TTN: variants seen among roughly 807,000 people sequenced by gnomAD.
TTN encodes the protein connectin.
A neutral mutation model predicts 3,223.0 loss-of-function variants in TTN; 1,525 were observed. The ratio of observed to expected loss-of-function variants is 0.47; its 90% CI spans 0.45 to 0.49. The LOEUF (loss-of-function observed/expected upper bound fraction) is 0.49, where lower values mean the gene tolerates loss of function less well. Ranked by LOEUF, TTN falls within the 20% of genes least tolerant of loss-of-function variation. TTN has a pLI of 0.00. For synonymous variants in TTN, 14,094 were observed against 15,161.0 expected, an observed-to-expected ratio of 0.93 and a Z score of 5.17; for missense variants, 40,786 against 43,424.0, an observed-to-expected ratio of 0.94 and a Z score of 5.40.
rs534179497 is a variant in TTN at position 178,684,588 on chromosome 2, T to G, written c.32638+78A>C. The G allele has an allele frequency of 1.0e-5, 15 of 1,476,664 alleles. No homozygotes were observed. In the African/African-American group the frequency reaches 1.7e-4, roughly 17 times the overall value. The allele number at this position is 1,476,664 out of a possible 1,614,324, so 91.5% of individuals were successfully genotyped here. On this transcript the variant is annotated intron_variant, in intron 131 of 362. Transcript: ENST00000589042. ...GTCACCCACCAACATATAAACAGTA[T>G]GACCCAAAGAACAGCAGCAGAGAGA... is the stretch of plus-strand genomic sequence containing the variant.
At chr2:178,798,384 T>C (rs1242074749) in intron 6 of TTN, 1 of 152,156 alleles carries the variant, frequency 6.6e-6, no homozygotes, top group Admixed American at 6.5e-5. Flanking sequence ...TTACACTTGA[T>C]TATATAATTT....
chr2:178,702,381 A>T, intron 107 of TTN, 73 bp downstream of exon 107: 2 of 1,606,682 alleles, frequency 1.2e-6, no homozygotes, highest in South Asian at 2.2e-5. Context: ...GCATGAGCGC[A>T]TACAGGGTAG....
rs772279090 is a variant in TTN, at chr2:178,529,202, C to T, written c.106549G>A (p.Ala35517Thr). The change falls in exon 360 of 363, where the codon GCA becomes ACA. Residue 35517 changes from alanine to threonine, a missense_variant. Transcript: ENST00000589042. ...LTIKAIKDTEAQKVSTQKTSE... is the reference protein window; with the variant it reads ...LTIKAIKDTETQKVSTQKTSE... Reference sequence around the variant, plus strand: ...GTCTTTTGTGTAGAGACTTTCTGTGCCTCAGTATCTTTTATAGCTAAAAAA... The same window carrying T: ...GTCTTTTGTGTAGAGACTTTCTGTGTCTCAGTATCTTTTATAGCTAAAAAA... 1 of 1,490,078 alleles carries T rather than the reference C, an allele frequency of 6.7e-7. No homozygotes were observed. The highest frequency in any genetic ancestry group is 1.4e-5 in the South Asian group (1 of 71,236). The allele number at this position is 1,490,078 out of a possible 1,614,324, so 92.3% of individuals were successfully genotyped here.
At chr2:178,753,999 C>A (rs942554078) in intron 46 of TTN, 4 of 152,048 alleles carry the variant, frequency 2.6e-5, no homozygotes, top group East Asian at 3.9e-4. Context: ...CTCTGGCTTG[C>A]GATTCTTTTG....
At chr2:178,728,439 C>T (rs751538270) in intron 66 of TTN, 42 bp from the exon 67 acceptor site, 1 of 1,579,746 alleles carries the variant, frequency 6.3e-7, no homozygotes, top group Non-Finnish European at 8.6e-7. Flanking sequence ...TAATCTCTTG[C>T]TATTTGTTTA....
Position 178,557,517 on chromosome 2 carries a change from C to T in TTN, c.87745G>A (p.Val29249Ile). Residue 29249 changes from valine to isoleucine, a missense_variant, in exon 329 of 363, where the codon GTT becomes ATT. Coordinates refer to ENST00000589042, the MANE Select transcript of TTN (RefSeq NM_001267550.2). Reference protein sequence around the residue: ...GPPSTPWVTNVTRESITVGWH... With the variant: ...GPPSTPWVTNITRESITVGWH... ...CCCACAGTGATGCTTTCTCGAGTAACATTAGTGACCCATGGTGTAGATGGT... is the reference window on the plus strand; with the variant it reads ...CCCACAGTGATGCTTTCTCGAGTAATATTAGTGACCCATGGTGTAGATGGT... 1 of 1,613,904 alleles carries T rather than the reference C, an allele frequency of 6.2e-7. No individual in the cohort carries two copies. The highest frequency in any genetic ancestry group is 8.5e-7 in the Non-Finnish European group (1 of 1,179,858).
At position 178,715,279 on chromosome 2, in the gene TTN, A is replaced by G. The variant is rs1274822552; in HGVS notation, c.25922-15T>C. The G allele has an allele frequency of 6.3e-7, 1 of 1,587,770 alleles. No individual in the cohort carries two copies. The highest frequency in any genetic ancestry group is 1.2e-5 in the South Asian group (1 of 85,878). ...AATGGGTGGTTCTAAAATTGGAAAAAAGGAAAATACGGATGTATTCTGTAA... is the reference window on the plus strand; with the variant it reads ...AATGGGTGGTTCTAAAATTGGAAAAGAGGAAAATACGGATGTATTCTGTAA... On this transcript the variant is annotated splice_polypyrimidine_tract_variant and intron_variant, in intron 89 of 362. Transcript: ENST00000589042.
intron 45 of TTN, 105 bp downstream of exon 45, chr2:178,757,437 C>A (rs1169918067): frequency 4.3e-6 from 6 of 1,385,998 alleles, no homozygotes; most frequent in Non-Finnish European, 5.7e-6. Context: ...AAGTTATGGA[C>A]TGACCACAGT....
At position 178,721,921 on chromosome 2, in the gene TTN, T is replaced by A; in HGVS notation, c.22742A>T (p.Asp7581Val). Residue 7581 changes from aspartate (D) to valine (V), a missense_variant, in exon 78 of 363, where the codon GAC becomes GTC. Transcript: ENST00000589042. ...TGCTTGGCAAGTATATTGACCAGAG[T>A]CTCCTTTGCCTACTTTAAGAATTCT... Reference protein sequence around the residue: ...HLRILKVGKGDSGQYTCQATN... With the variant: ...HLRILKVGKGVSGQYTCQATN... The A allele has an allele frequency of 6.2e-7, 1 of 1,613,514 alleles. No homozygotes were observed. The highest frequency in any genetic ancestry group is 1.1e-5 in the South Asian group (1 of 91,050).
chr2:178,673,627 A>G lies in TTN; in HGVS notation c.34786+6T>C. On this transcript the variant is annotated splice_donor_region_variant and intron_variant, in intron 152 of 362. Coordinates refer to ENST00000589042, the MANE Select transcript of TTN (RefSeq NM_001267550.2). ...TAAAGATATTAATAATGAGGATTTG[A>G]TATACCTTTAGCTGGTGGTGCCTCC... 6.3e-7 allele frequency: 1 copy of G among 1,575,258 alleles called. No homozygotes were observed. Among genetic ancestry groups the G allele is most frequent in the Non-Finnish European group, 8.6e-7 (1 of 1,165,958 alleles).
In TTN at chr2:178,773,589, G is replaced by T. The variant is rs2091842638; in HGVS notation, c.7467C>A (p.Asp2489Glu). The change falls in exon 32 of 363, where the codon GAC becomes GAA. Residue 2489 changes from aspartate (D) to glutamate (E), a missense_variant. Coordinates refer to ENST00000589042, the MANE Select transcript of TTN (RefSeq NM_001267550.2). ...YLNDEQIKPD[D>E]RVQAIVKGTK... ...TACCTTTCACAATGGCCTGTACACG[G>T]TCATCAGGCTTGATTTGTTCATCAT... is the stretch of plus-strand genomic sequence containing the variant. 3 of 1,613,884 alleles carry T rather than the reference G, an allele frequency of 1.9e-6. No homozygotes were observed. The highest frequency in any genetic ancestry group is 1.7e-5 in the Admixed American group (1 of 59,982).
rs371163094 is a variant in TTN at position 178,706,557 on chromosome 2, C to T, written c.29317G>A (p.Ala9773Thr). The change falls in exon 102 of 363, where the codon GCA (alanine) becomes ACA (threonine). Residue 9773 changes from alanine to threonine, a missense_variant. By Grantham distance (58) the Ala-to-Thr change is moderately conservative. Coordinates refer to ENST00000589042, the MANE Select transcript of TTN (RefSeq NM_001267550.2). ...KTDSGLYRCV[A>T]FNEHGEIESN... Reference sequence around the variant, plus strand: ...TCAATTTCACCATGTTCGTTAAATGCCACGCATCGGTATAACCCAGAATCA... The same window carrying T: ...TCAATTTCACCATGTTCGTTAAATGTCACGCATCGGTATAACCCAGAATCA... 486 of 1,613,766 alleles carry T rather than the reference C, an allele frequency of 3.0e-4. 1 individual carries two copies. The highest frequency in any genetic ancestry group is 4.0e-4 in the Non-Finnish European group (476 of 1,179,842).
At position 178,634,950 on chromosome 2, in the gene TTN, A is replaced by G; in HGVS notation, c.42025-101T>C. The G allele has an allele frequency of 4.9e-6, 7 of 1,414,230 alleles. No homozygotes were observed. The highest frequency in any genetic ancestry group is 2.9e-5 in the South Asian group (2 of 68,874). The allele number at this position is 1,414,230 out of a possible 1,614,324, so 87.6% of individuals were successfully genotyped here. A position where few individuals can be genotyped will look rare whatever the true frequency, so the allele number is the denominator to read the frequency against. ...CTATAGAGTTTTAAAAATTACTACT[A>G]ATAAAAGTAAGCAGAGAATTCCCTG... On this transcript the variant is annotated intron_variant, in intron 228 of 362. Transcript: ENST00000589042. This position sits in a 1 kb window ranked among gnomAD's most constrained non-coding sequence, Gnocchi z 4.6.
In TTN at chr2:178,663,779, A is replaced by G. The variant is rs547554798; in HGVS notation, c.36448+40T>C. ...CACTGGAAAAAATATCTTCAAGAGC[A>G]AAAGAATGAGATCTGAAGCCTAAGG... On this transcript the variant is annotated intron_variant, in intron 170 of 362. Transcript: ENST00000589042. 7.0e-5 allele frequency: 113 copies of G among 1,612,452 alleles called. 4 individuals are homozygous for G. The African/African-American group carries it at 9.8e-4, about 14-fold the overall frequency.
At chr2:178,692,691 AAAATTATGCTTTAG>A (rs1205458699) in intron 119 of TTN, 111 bp from the exon 120 acceptor site, 8 of 752,674 alleles carry the variant, frequency 1.1e-5, no homozygotes, top group Non-Finnish European at 1.6e-5. Context: ...TGAATGCAAG[AAAATTATGCTTTAG>A]AAATGAGAGT....
At position 178,715,203 on chromosome 2, in the gene TTN, G is replaced by A; in HGVS notation, c.25983C>T (p.His8661=). 3 of 1,613,676 alleles carry A rather than the reference G, an allele frequency of 1.9e-6. No individual in the cohort carries two copies. Among genetic ancestry groups the A allele is most frequent in the Non-Finnish European group, 2.5e-6 (3 of 1,179,688 alleles). ...PIETLKGADV[H]LECELQGTPP... Reference sequence around the variant, plus strand: ...GAGTGCCCTGAAGCTCACATTCAAGGTGAACATCAGCTCCTTTCAGTGTCT... The same window carrying A: ...GAGTGCCCTGAAGCTCACATTCAAGATGAACATCAGCTCCTTTCAGTGTCT... Residue 8661 remains histidine, a synonymous_variant, in exon 90 of 363, where the codon CAC becomes CAT. Coordinates refer to ENST00000589042, the MANE Select transcript of TTN (RefSeq NM_001267550.2).
rs1336705621 is a variant in TTN at position 178,623,354 on chromosome 2, A to ACTAAT, written c.44816-588_44816-587insATTAG. Among the ~76,000 whole-genome samples, 606 of 152,004 alleles carry ACTAAT rather than the reference A, an allele frequency of 4.0e-3. 8 individuals are homozygous for ACTAAT. The highest frequency in any genetic ancestry group is 0.029 in the East Asian group (151 of 5,120). Reference sequence around the variant, plus strand: ...AGTGCAATAAAGCAATGTGTTTTGTATGGGAGGGTGATTAGGATTTTACAT... The same window carrying ACTAAT: ...AGTGCAATAAAGCAATGTGTTTTGTACTAATTGGGAGGGTGATTAGGATTTTACAT... On this transcript the variant is annotated intron_variant, in intron 242 of 362. Transcript: ENST00000589042.
At chr2:178,777,614 T>C (rs1236698026) in intron 25 of TTN, 30 bp from the exon 26 acceptor site, 1 of 1,613,332 alleles carries the variant, frequency 6.2e-7, no homozygotes, top group Non-Finnish European at 8.5e-7. Flanking sequence ...AGAAAGTAGA[T>C]TTTAAAATAG....
At position 178,680,243 on chromosome 2, in the gene TTN, C is replaced by T. The variant is rs760504919; in HGVS notation, c.33418+11G>A. The T allele has an allele frequency of 1.2e-6, 2 of 1,610,654 alleles. No homozygotes were observed. The highest frequency in any genetic ancestry group is 1.7e-6 in the Non-Finnish European group (2 of 1,178,436). ...GACGAACAAAACATTAAAATGAGTGCCATTAGGTACCTCTAACAGGTGGTG... is the reference window on the plus strand; with the variant it reads ...GACGAACAAAACATTAAAATGAGTGTCATTAGGTACCTCTAACAGGTGGTG... On this transcript the variant is annotated intron_variant, in intron 139 of 362. Transcript: ENST00000589042.
Sources: gnomAD v4.1 joint callset for allele counts (sites outside exome capture counted in the v4.1 genomes callset) on GRCh38, gnomAD v4.1.1 for gene constraint, Gnocchi (gnomAD v3.1) non-coding constraint, MANE v1.5 for transcripts, NCBI Gene and HGNC (gene_info 2026-07-23, HGNC 2026-07-21) for gene names.